The following MEGF11 variants were observed in gnomAD, a reference collection of about 807,000 sequenced individuals.
MEGF11 encodes multiple EGF like domains 11.
MEGF11 carries 126 observed loss-of-function variants against 146.6 expected under a neutral mutation model. The ratio of observed to expected loss-of-function variants is 0.86; its 90% CI spans 0.74 to 1.00. The LOEUF (loss-of-function observed/expected upper bound fraction) is 1.00. Among genes scored for constraint, MEGF11 ranks in the 50% least tolerant of loss-of-function variants. MEGF11 has a pLI of 0.00. For missense variants in MEGF11, 1,509 were observed against 1,521.2 expected, an observed-to-expected ratio of 0.99 and a Z score of 0.13; for synonymous variants, 532 against 583.4, an observed-to-expected ratio of 0.91 and a Z score of 1.27.
Position 65,996,464 on chromosome 15 carries a change from C to T in MEGF11, c.395-13976G>A, listed in dbSNP as rs575202999. ...GGGAAACTTGCTATTTGAAATAGCC[C>T]TGTTTATCTCTAGCACACTTTTTTT... On this transcript the variant is annotated intron_variant, in intron 5 of 25. Transcript: ENST00000395614. 5.4e-4 allele frequency among the ~76,000 whole-genome samples: 80 copies of T among 147,474 alleles called. 1 individual carries two copies. The South Asian group carries it at 0.017, about 32-fold the overall frequency.
intron 5 of MEGF11, among the ~76,000 whole-genome samples, chr15:66,020,991 C>CAAAAAAAAAAAAAAAAAAAAAAAA (rs35364286): frequency 1.4e-5 from 1 of 70,786 alleles, no homozygotes; most frequent in African/African-American, 5.6e-5. Context: ...AACTCCATCT[C>CAAAAAAAAAAAAAAAAAAAAAAAA]AAAAAAAAAA....
chr15:66,188,668 C>A (rs368262890), intron 1 of MEGF11, among the ~76,000 whole-genome samples: 5 of 152,184 alleles, frequency 3.3e-5, no homozygotes, highest in Non-Finnish European at 7.3e-5. Context: ...GTACCTGAAC[C>A]CAGTATGCAG....
chr15:66,032,847 C>T (rs542478297), intron 5 of MEGF11, among the ~76,000 whole-genome samples: 8 of 152,080 alleles, frequency 5.3e-5, no homozygotes, highest in South Asian at 2.1e-4. Context: ...AAAAGGAAGC[C>T]GAGGTGGGCA....
In MEGF11 at chr15:66,231,045, G is replaced by T. The variant is rs190853873; in HGVS notation, c.-9+22560C>A. Among the ~76,000 whole-genome samples the T allele has an allele frequency of 2.6e-3, 398 of 152,200 alleles. 1 individual carries two copies. The highest frequency in any genetic ancestry group is 9.1e-3 in the African/African-American group (377 of 41,486). Reference sequence around the variant, plus strand: ...TTAAAAGCGTTCTATAGAGAATAAGGTCCCATGGTTAAATAATTTTAGAAA... The same window carrying T: ...TTAAAAGCGTTCTATAGAGAATAAGTTCCCATGGTTAAATAATTTTAGAAA... On this transcript the variant is annotated intron_variant, in intron 1 of 25. Coordinates refer to ENST00000395614, the MANE Select transcript of MEGF11 (RefSeq NM_001385028.1).
chr15:66,162,247 G>T (rs944603373), intron 1 of MEGF11, among the ~76,000 whole-genome samples: 1 of 152,170 alleles, frequency 6.6e-6, no homozygotes, highest in East Asian at 1.9e-4. Context: ...AAAGAGAGTG[G>T]CCCGATGGCA....
At chr15:65,967,766 C>T (rs2081157609) in intron 8 of MEGF11, among the ~76,000 whole-genome samples, 2 of 152,106 alleles carry the variant, frequency 1.3e-5, no homozygotes. Context: ...GTGCTTCCTT[C>T]CCAAGAAGAT....
intron 1 of MEGF11, among the ~76,000 whole-genome samples, chr15:66,198,908 C>T (rs532609206): frequency 1.2e-4 from 18 of 152,284 alleles, no homozygotes; most frequent in African/African-American, 3.9e-4. Context: ...GCCACCATGC[C>T]CAGGCTGAAT....
rs188937572 is a variant in MEGF11, at chr15:65,988,982, G to T, written c.395-6494C>A. On this transcript the variant is annotated intron_variant, in intron 5 of 25. Transcript: ENST00000395614. ...GTAGGATTCACTTCTTCAGACAGTG[G>T]TTCTTGGCCTGGCTGCAGATCAGCA... is the stretch of plus-strand genomic sequence containing the variant. 6.2e-4 allele frequency among the ~76,000 whole-genome samples: 95 copies of T among 152,284 alleles called. 1 individual carries two copies. Among genetic ancestry groups the T allele is most frequent in the African/African-American group, 2.2e-3 (93 of 41,542 alleles).
chr15:66,102,310 A>C (rs184063968), intron 4 of MEGF11, among the ~76,000 whole-genome samples: 1 of 1,748 alleles, frequency 5.7e-4, no homozygotes, highest in African/African-American at 6.6e-4. Context: ...GTCCTAGAGC[A>C]AGCAGAGCCA....
chr15:66,060,387 C>G (rs1003436218), intron 5 of MEGF11, among the ~76,000 whole-genome samples: 20 of 152,220 alleles, frequency 1.3e-4, no homozygotes, highest in Admixed American at 9.2e-4. Context: ...CACAGTCTCT[C>G]CCCTTGCAGA....
chr15:66,089,342 G>C (rs564274249), intron 5 of MEGF11, among the ~76,000 whole-genome samples: 139 of 152,312 alleles, frequency 9.1e-4, no homozygotes, highest in African/African-American at 3.1e-3. Context: ...TGTGTACCGG[G>C]CTTTGACTTA....
intron 5 of MEGF11, among the ~76,000 whole-genome samples, chr15:65,984,336 G>A (rs2081767913): frequency 6.6e-6 from 1 of 151,814 alleles, no homozygotes; most frequent in Non-Finnish European, 1.5e-5. Flanking sequence ...GAACAGCCTG[G>A]GCAACACGGT....
Position 66,218,277 on chromosome 15 carries a change from C to G in MEGF11, c.-9+35328G>C, listed in dbSNP as rs554271245. On this transcript the variant is annotated intron_variant, in intron 1 of 25. Transcript: ENST00000395614. Reference sequence around the variant, plus strand: ...ACTGATGAGTTGCCATTTTAAGACACTTGGTTGAATTAAGCTAAAAGCCTG... The same window carrying G: ...ACTGATGAGTTGCCATTTTAAGACAGTTGGTTGAATTAAGCTAAAAGCCTG... 1.2e-3 allele frequency among the ~76,000 whole-genome samples: 182 copies of G among 152,296 alleles called. No individual in the cohort carries two copies. The South Asian group carries it at 0.012, about 10-fold the overall frequency.
chr15:65,956,666 C>A (rs888740620), intron 10 of MEGF11, among the ~76,000 whole-genome samples: 11 of 152,174 alleles, frequency 7.2e-5, no homozygotes, highest in African/African-American at 2.7e-4. Flanking sequence ...GCATGCCCTG[C>A]CTTTGAACAG....
chr15:65,898,816 A>C lies in MEGF11; in HGVS notation c.3174T>G (p.Tyr1058Ter), dbSNP rs139778482. ...ILTCKLPESSYVEMKSPVHMG... is the reference protein window; with the variant it reads ...ILTCKLPESS ...TGTGCACAGGCGACTTCATTTCTAC[A>C]TAGCTGCTTTCTGGAAGCTTGCAGG... The change falls in exon 25 of 26, where the codon TAT becomes TAG. Residue 1058 changes from tyrosine to a stop codon, truncating the protein, a stop_gained. Coordinates refer to ENST00000395614, the MANE Select transcript of MEGF11 (RefSeq NM_001385028.1). LOFTEE classifies it high-confidence loss of function. 1 of 1,614,014 alleles carries C rather than the reference A, an allele frequency of 6.2e-7. No individual in the cohort carries two copies. Among genetic ancestry groups the C allele is most frequent in the East Asian group, 2.2e-5 (1 of 44,894 alleles).
chr15:65,902,611 C>T (rs1006284577), intron 24 of MEGF11: 2 of 152,200 alleles, frequency 1.3e-5, no homozygotes, highest in Non-Finnish European at 2.9e-5. Flanking sequence ...CCTTTCATAG[C>T]CCCACCCCTG....
At chr15:66,240,690 C>G (rs1959436588) in intron 1 of MEGF11, among the ~76,000 whole-genome samples, 2 of 152,202 alleles carry the variant, frequency 1.3e-5, no homozygotes, top group Non-Finnish European at 2.9e-5. Context: ...GCAGGGTGCT[C>G]AGACAGGTTA....
chr15:66,184,267 G>T (rs2090634099), intron 1 of MEGF11, among the ~76,000 whole-genome samples: 1 of 151,980 alleles, frequency 6.6e-6, no homozygotes, highest in Non-Finnish European at 1.5e-5. Flanking sequence ...AAGAATCTAG[G>T]TGGCCTTCCT....
At chr15:65,992,449 GT>G (rs375816297) in intron 5 of MEGF11, among the ~76,000 whole-genome samples, 2,202 of 38,282 alleles carry the variant, frequency 0.058, 46 homozygotes, top group South Asian at 0.12. Context: ...GTGTGTGTGT[GT>G]GGGGGGGGGG....
Sources: allele counts gnomAD v4.1 joint callset (sites outside exome capture counted in the v4.1 genomes callset), GRCh38; gene constraint gnomAD v4.1.1; transcripts MANE v1.5; gene names NCBI Gene and HGNC (gene_info 2026-07-23, HGNC 2026-07-21).